Variants in TTC28 observed in about 807,000 individuals in gnomAD.
The protein encoded by TTC28 is tetratricopeptide repeat protein 28.
Under a neutral mutation model 198.0 loss-of-function variants are expected in TTC28, and 61 were observed. The ratio of observed to expected loss-of-function variants is 0.31; its 90% CI spans 0.25 to 0.38. The LOEUF is 0.38. Among genes scored for constraint, TTC28 ranks in the 10% least tolerant of loss-of-function variants. The pLI is 1.00. For missense variants in TTC28, 2,678 were observed against 3,164.0 expected, an observed-to-expected ratio of 0.85 and a Z score of 3.69; for synonymous variants, 1,171 against 1,297.8, an observed-to-expected ratio of 0.90 and a Z score of 2.10.
At chr22:28,240,851 T>C (rs537598553) in intron 5 of TTC28, among the ~76,000 whole-genome samples, 2 of 152,194 alleles carry the variant, frequency 1.3e-5, no homozygotes, top group East Asian at 3.9e-4. Flanking sequence ...ACAATTTGAG[T>C]AGCAAATCAA....
chr22:28,017,479 C>T (rs1938420268), intron 13 of TTC28, among the ~76,000 whole-genome samples: 1 of 152,214 alleles, frequency 6.6e-6, no homozygotes, highest in Non-Finnish European at 1.5e-5. Context: ...ACCATTTGAT[C>T]TGGGCTACAA....
intron 6 of TTC28, among the ~76,000 whole-genome samples, chr22:28,146,724 A>C (rs188264107): frequency 2.6e-5 from 4 of 152,176 alleles, no homozygotes; most frequent in Non-Finnish European, 4.4e-5. Context: ...CTTCCATTTG[A>C]ATCAGGGAAA....
intron 2 of TTC28, among the ~76,000 whole-genome samples, chr22:28,522,502 A>C (rs1482604503): frequency 2.6e-5 from 4 of 152,162 alleles, no homozygotes; most frequent in Admixed American, 1.3e-4. Context: ...AAAAAAAAAA[A>C]AACTGAGACA....
At chr22:28,494,749 T>C (rs2048428525) in intron 2 of TTC28, among the ~76,000 whole-genome samples, 1 of 148,576 alleles carries the variant, frequency 6.7e-6, no homozygotes, top group African/African-American at 2.5e-5. Context: ...ATAAAAGACA[T>C]AGACTTAACA....
intron 5 of TTC28, among the ~76,000 whole-genome samples, chr22:28,259,660 C>T (rs1931185993): frequency 6.6e-6 from 1 of 151,878 alleles, no homozygotes; most frequent in African/African-American, 2.4e-5. Context: ...TATGAAAAGA[C>T]AGCTCAATGG....
intron 2 of TTC28, among the ~76,000 whole-genome samples, chr22:28,443,640 A>G (rs9613616): frequency 1.1e-4 from 17 of 152,116 alleles, no homozygotes; most frequent in Non-Finnish European, 1.6e-4. Flanking sequence ...ACCCAACTCC[A>G]CAGCTCAGTC....
chr22:28,242,695 T>G (rs1242615040), intron 5 of TTC28, among the ~76,000 whole-genome samples: 1 of 152,184 alleles, frequency 6.6e-6, no homozygotes, highest in Non-Finnish European at 1.5e-5. Flanking sequence ...ATATCTTTGT[T>G]ATAATTTCTA....
At chr22:28,523,350 A>C (rs961448498) in intron 2 of TTC28, among the ~76,000 whole-genome samples, 13 of 152,256 alleles carry the variant, frequency 8.5e-5, no homozygotes, top group African/African-American at 3.1e-4. Context: ...TTAACTCAGC[A>C]AAAGGATATC....
At chr22:28,367,498 T>C (rs889089847) in intron 2 of TTC28, among the ~76,000 whole-genome samples, 10 of 151,730 alleles carry the variant, frequency 6.6e-5, no homozygotes, top group African/African-American at 2.4e-4. Flanking sequence ...AAACCTCAAA[T>C]AAATAACCTA....
intron 2 of TTC28, among the ~76,000 whole-genome samples, chr22:28,329,289 C>G (rs956161287): frequency 6.6e-6 from 1 of 152,074 alleles, no homozygotes; most frequent in Admixed American, 6.5e-5. Flanking sequence ...CATAGAAACC[C>G]AATAAATAGG....
rs750347534 is a variant in TTC28 at position 28,493,047 on chromosome 22, TAAAAAA to T, written c.381+136499_381+136504del. 5.7e-4 allele frequency among the ~76,000 whole-genome samples: 38 copies of T among 66,368 alleles called. 1 individual carries two copies. Among genetic ancestry groups the T allele is most frequent in the Non-Finnish European group, 1.1e-3 (35 of 31,110 alleles). The allele number at this position is 66,368 out of a possible 152,430, so 43.5% of individuals were successfully genotyped here. ...ATTTAAGTCCAAGGGTTCACGATAC[TAAAAAA>T]AAAAAAAAAAAAAAAAGTTTTGGCT... On this transcript the variant is annotated intron_variant, in intron 2 of 22. Coordinates refer to ENST00000397906, the MANE Select transcript of TTC28 (RefSeq NM_001145418.2).
intron 2 of TTC28, among the ~76,000 whole-genome samples, chr22:28,345,750 G>A (rs866448921): frequency 2.0e-5 from 3 of 152,062 alleles, no homozygotes; most frequent in African/African-American, 4.8e-5. Flanking sequence ...TTGGTTTTAC[G>A]AAAACAACAA....
In TTC28 at chr22:28,126,125, G is replaced by C. The variant is rs117529887; in HGVS notation, c.1442-17722C>G. On this transcript the variant is annotated intron_variant, in intron 6 of 22. Coordinates refer to ENST00000397906, the MANE Select transcript of TTC28 (RefSeq NM_001145418.2). Reference sequence around the variant, plus strand: ...AGAGGACTAAAAGAGAATGAATTTGGCTCTGTGCTCCAAATAGATATGAAA... The same window carrying C: ...AGAGGACTAAAAGAGAATGAATTTGCCTCTGTGCTCCAAATAGATATGAAA... Among the ~76,000 whole-genome samples, 3 of 152,266 alleles carry C rather than the reference G, an allele frequency of 2.0e-5. No individual in the cohort carries two copies. In the East Asian group the frequency reaches 5.8e-4, roughly 29 times the overall value.
In TTC28 at chr22:28,207,048, A is replaced by G. The variant is rs1206176041; in HGVS notation, c.934-43449T>C. ...GTTATTAGGAAGGTAAATTTGGGAT[A>G]ATCCCTCAAATGTAAATGACATTTA... On this transcript the variant is annotated intron_variant, in intron 5 of 22. Coordinates refer to ENST00000397906, the MANE Select transcript of TTC28 (RefSeq NM_001145418.2). 2.0e-5 allele frequency among the ~76,000 whole-genome samples: 3 copies of G among 152,136 alleles called. No individual in the cohort carries two copies. In the East Asian group the frequency reaches 5.8e-4, roughly 29 times the overall value.
intron 2 of TTC28, among the ~76,000 whole-genome samples, chr22:28,412,580 T>C (rs1347367172): frequency 1.3e-5 from 2 of 152,242 alleles, no homozygotes; most frequent in Admixed American, 1.3e-4. Flanking sequence ...CCCTACCAGA[T>C]ATGCCAGGTG....
intron 2 of TTC28, among the ~76,000 whole-genome samples, chr22:28,515,617 G>C (rs1601496310): frequency 6.6e-6 from 1 of 152,124 alleles, no homozygotes; most frequent in East Asian, 1.9e-4. Context: ...CAACAGAGTA[G>C]AGCACTCACT....
At chr22:28,196,233 T>C (rs1601459421) in intron 5 of TTC28, among the ~76,000 whole-genome samples, 1 of 152,196 alleles carries the variant, frequency 6.6e-6, no homozygotes, top group South Asian at 2.1e-4. Flanking sequence ...TGGCTAGCCA[T>C]ATGTAGAAAG....
In TTC28 at chr22:28,328,756, AAATAATAATAATAAT is replaced by A. The variant is rs199948599; in HGVS notation, c.382-22128_382-22114del. ...GCCACAGATCGAGACTCTGTCTCAAAAATAATAATAATAATAATAATAATAATAATAATAATAATA... is the reference window on the plus strand; with the variant it reads ...GCCACAGATCGAGACTCTGTCTCAAAAATAATAATAATAATAATAATAATA... On this transcript the variant is annotated intron_variant, in intron 2 of 22. Coordinates refer to ENST00000397906, the MANE Select transcript of TTC28 (RefSeq NM_001145418.2). Among the ~76,000 whole-genome samples the A allele has an allele frequency of 6.9e-3, 925 of 134,392 alleles. 23 individuals carry two copies. The highest frequency in any genetic ancestry group is 0.044 in the South Asian group (178 of 4,046). The allele number at this position is 134,392 out of a possible 152,430, so 88.2% of individuals were successfully genotyped here. A position where few individuals can be genotyped will look rare whatever the true frequency, so the allele number is the denominator to read the frequency against.
chr22:28,548,764 A>C (rs1251439467), intron 2 of TTC28, among the ~76,000 whole-genome samples: 1 of 152,186 alleles, frequency 6.6e-6, no homozygotes, highest in African/African-American at 2.4e-5. Context: ...TTTTACAAGA[A>C]GGCCATTTTT....
Sources: gnomAD v4.1 joint callset for allele counts (sites outside exome capture counted in the v4.1 genomes callset) on GRCh38, gnomAD v4.1.1 for gene constraint, MANE v1.5 for transcripts, NCBI Gene and HGNC (gene_info 2026-07-23, HGNC 2026-07-21) for gene names.